NTM: variants seen among roughly 807,000 people sequenced by gnomAD.
The protein encoded by NTM is neurotrimin.
In NTM, 13 loss-of-function variants were observed where a neutral mutation model predicts 42.1. The ratio of observed to expected loss-of-function variants is 0.31; its 90% confidence interval spans 0.20 to 0.49. NTM has a LOEUF of 0.49. Among genes scored for constraint, NTM ranks in the 20% least tolerant of loss-of-function variants. The probability of loss-of-function intolerance (pLI) is 0.99; values close to 1 mark genes in which losing one functional copy is unlikely to be tolerated. For missense variants in NTM, 373 were observed against 452.8 expected, an observed-to-expected ratio of 0.82 and a Z score of 1.60; for synonymous variants, 187 against 179.2, an observed-to-expected ratio of 1.04 and a Z score of -0.35.
chr11:131,407,355 T>G (rs1945909868), intron 1 of NTM, among the ~76,000 whole-genome samples: 2 of 152,216 alleles, frequency 1.3e-5, no homozygotes, highest in South Asian at 4.1e-4. Context: ...GTCCTTTGCT[T>G]GTCAGTTTGT....
chr11:131,719,537 G>T (rs2078097321), intron 1 of NTM, among the ~76,000 whole-genome samples: 1 of 152,238 alleles, frequency 6.6e-6, no homozygotes, highest in Admixed American at 6.5e-5. Context: ...GCTTACTGTG[G>T]TAGAGGGAGC....
intron 2 of NTM, among the ~76,000 whole-genome samples, chr11:131,913,752 C>T (rs1198232686): frequency 2.0e-5 from 3 of 152,108 alleles, no homozygotes; most frequent in Non-Finnish European, 4.4e-5. Flanking sequence ...TTGAATTGAC[C>T]CCAACCCAGC....
At chr11:131,903,803 AT>A (rs1353423575) in intron 1 of NTM, among the ~76,000 whole-genome samples, 1 of 152,188 alleles carries the variant, frequency 6.6e-6, no homozygotes, top group Non-Finnish European at 1.5e-5. Context: ...TAGGGCTGGA[AT>A]TCCAGACCCT....
intron 1 of NTM, among the ~76,000 whole-genome samples, chr11:131,588,940 TG>T (rs375797143): frequency 5.3e-4 from 81 of 152,292 alleles, no homozygotes; most frequent in African/African-American, 1.9e-3. Context: ...CATTAACAGG[TG>T]TGGCTCATGC....
intron 3 of NTM, among the ~76,000 whole-genome samples, chr11:132,153,388 C>A (rs1273698784): frequency 6.6e-6 from 1 of 152,184 alleles, no homozygotes; most frequent in African/African-American, 2.4e-5. Flanking sequence ...AGAAAATCTT[C>A]TTAATTAAGG....
chr11:131,686,220 G>A (rs528113146), intron 1 of NTM, among the ~76,000 whole-genome samples: 1 of 152,320 alleles, frequency 6.6e-6, no homozygotes, highest in African/African-American at 2.4e-5. Flanking sequence ...GTGGTTGGGG[G>A]TGCCGACCCC....
intron 1 of NTM, among the ~76,000 whole-genome samples, chr11:131,618,813 C>T (rs1290320130): frequency 2.6e-5 from 4 of 152,164 alleles, no homozygotes; most frequent in Admixed American, 2.6e-4. Context: ...TTCCGATGAG[C>T]TAGAAGTTGT....
chr11:131,921,973 AC>A (rs2057289588), intron 2 of NTM: 1 of 151,964 alleles, frequency 6.6e-6, no homozygotes, highest in Admixed American at 6.6e-5. Context: ...CATCCTCCAA[AC>A]CTTTTTACTC....
At chr11:131,653,904 T>C (rs2066836376) in intron 1 of NTM, among the ~76,000 whole-genome samples, 1 of 152,258 alleles carries the variant, frequency 6.6e-6, no homozygotes, top group Non-Finnish European at 1.5e-5. Context: ...TCCAGCCTTA[T>C]CAGGAAGGTG....
At chr11:132,242,611 C>T (rs2090412724) in intron 4 of NTM, among the ~76,000 whole-genome samples, 1 of 152,216 alleles carries the variant, frequency 6.6e-6, no homozygotes, top group Non-Finnish European at 1.5e-5. Flanking sequence ...GTTTGCACCG[C>T]TTTCACACGG....
chr11:131,803,023 C>T (rs1427671285), intron 1 of NTM, among the ~76,000 whole-genome samples: 1 of 152,186 alleles, frequency 6.6e-6, no homozygotes, highest in Non-Finnish European at 1.5e-5. Context: ...GCCAATAATT[C>T]TAGCATGTCA....
intron 1 of NTM, among the ~76,000 whole-genome samples, chr11:131,867,238 G>A (rs936298218): frequency 1.3e-5 from 2 of 152,242 alleles, no homozygotes; most frequent in Non-Finnish European, 2.9e-5. Context: ...CCAGAGAGCA[G>A]GTCTCAGGGA....
chr11:131,822,948 TCTTTCTTCCTTC>T (rs1565596001), intron 1 of NTM, among the ~76,000 whole-genome samples: 3 of 152,098 alleles, frequency 2.0e-5, no homozygotes, highest in African/African-American at 7.2e-5. Flanking sequence ...TTCCTTCCTT[TCTTTCTTCCTTC>T]CTTCCTTCTG....
chr11:132,260,268 A>T (rs939087482), intron 4 of NTM, among the ~76,000 whole-genome samples: 64 of 140,000 alleles, frequency 4.6e-4, no homozygotes, highest in African/African-American at 1.6e-3. Context: ...TTTTTTTTTT[A>T]AAGATAAGAG....
rs1793636 is a variant in NTM, at chr11:132,065,032, G to T, written c.168-81250G>T. On this transcript the variant is annotated intron_variant, in intron 2 of 8. Coordinates refer to ENST00000683400, the MANE Select transcript of NTM (RefSeq NM_001352005.2). ...ATTTGCCTCTGCTCTCACAGGAAGA[G>T]GTTAGGGGAATGGCACATTCCACTG... 6.9e-4 allele frequency among the ~76,000 whole-genome samples: 105 copies of T among 152,162 alleles called. 1 individual carries two copies. Among genetic ancestry groups the T allele is most frequent in the African/African-American group, 2.3e-3 (96 of 41,506 alleles).
intron 1 of NTM, among the ~76,000 whole-genome samples, chr11:131,889,910 C>T (rs2050998397): frequency 6.6e-6 from 1 of 152,138 alleles, no homozygotes. Context: ...CCTCTCCCTC[C>T]ACCTTCAGAA....
intron 2 of NTM, among the ~76,000 whole-genome samples, chr11:131,982,304 GT>G (rs2065378028): frequency 6.6e-6 from 1 of 152,110 alleles, no homozygotes. Context: ...CCAGTGTGGG[GT>G]TTCTTTGTTA....
chr11:132,039,048 G>A (rs979529897), intron 2 of NTM, among the ~76,000 whole-genome samples: 5 of 152,210 alleles, frequency 3.3e-5, no homozygotes, highest in African/African-American at 1.2e-4. Flanking sequence ...CAGCCACACT[G>A]GTGTCCATGG....
At chr11:132,075,365 G>A (rs2058226809) in intron 2 of NTM, among the ~76,000 whole-genome samples, 4 of 152,294 alleles carry the variant, frequency 2.6e-5, no homozygotes, top group Admixed American at 2.0e-4. Flanking sequence ...ATATTAAAAT[G>A]TGAAAACATA....
Sources: gnomAD v4.1 joint callset for allele counts (sites outside exome capture counted in the v4.1 genomes callset) on GRCh38, gnomAD v4.1.1 for gene constraint, MANE v1.5 for transcripts, NCBI Gene and HGNC (gene_info 2026-07-23, HGNC 2026-07-21) for gene names.